Variants in CBLC observed in about 807,000 individuals in gnomAD.
CBLC encodes the protein Cbl proto-oncogene C, also known as E3 ubiquitin-protein ligase CBL-C.
A neutral mutation model predicts 58.6 loss-of-function variants in CBLC; 46 were observed. The ratio of observed to expected loss-of-function variants is 0.79; its 90% CI spans 0.62 to 1.00. CBLC has a LOEUF of 1.00. CBLC is among the 50% of genes least tolerant of loss of function. The pLI is 0.00. For synonymous variants in CBLC, 271 were observed against 264.2 expected (o/e 1.03, Z -0.25); for missense variants, 655 against 625.8 (o/e 1.05, Z -0.50).
At chr19:44,791,374 C>T (rs1968043961) in intron 6 of CBLC, among the ~76,000 whole-genome samples, 2 of 151,482 alleles carry the variant, frequency 1.3e-5, no homozygotes, top group Admixed American at 1.3e-4. Context: ...GCATCCAATA[C>T]TTTTATTTGC....
chr19:44,788,589 C>T (rs941457976), intron 5 of CBLC, among the ~76,000 whole-genome samples: 10 of 150,852 alleles, frequency 6.6e-5, no homozygotes, highest in Admixed American at 5.3e-4. Flanking sequence ...ATGAAATTCT[C>T]CTGCCTCAGC....
intron 5 of CBLC, among the ~76,000 whole-genome samples, chr19:44,785,247 A>G (rs993013205): frequency 5.3e-5 from 8 of 151,522 alleles, no homozygotes; most frequent in Non-Finnish European, 1.2e-4. Context: ...AATGCTGATT[A>G]CAGGCATGAG....
Position 44,778,302 on chromosome 19 carries a change from A to T in CBLC, c.353+18A>T. On this transcript the variant is annotated intron_variant, in intron 1 of 10. Coordinates refer to ENST00000647358, the MANE Select transcript of CBLC (RefSeq NM_012116.4). Reference sequence around the variant, plus strand: ...AGACTCAGGTGAGCCTTCGCCCCAGAACAAAGTCCTCTGGGGTGAGGCCCA... The same window carrying T: ...AGACTCAGGTGAGCCTTCGCCCCAGTACAAAGTCCTCTGGGGTGAGGCCCA... 1 of 1,420,414 alleles carries T rather than the reference A, an allele frequency of 7.0e-7. No individual in the cohort carries two copies. Among genetic ancestry groups the T allele is most frequent in the South Asian group, 1.5e-5 (1 of 65,594 alleles). 88.0% of individuals were successfully genotyped at this position (1,420,414 alleles called of 1,614,324 possible).
chr19:44,785,536 A>ATAGG (rs1471766822), intron 5 of CBLC, among the ~76,000 whole-genome samples: 2 of 14,640 alleles, frequency 1.4e-4, no homozygotes, highest in Admixed American at 5.5e-4. Context: ...AGATAGGTAG[A>ATAGG]TAGATAGATA....
intron 7 of CBLC, among the ~76,000 whole-genome samples, chr19:44,793,058 A>T (rs1420076854): frequency 6.6e-6 from 1 of 152,162 alleles, no homozygotes; most frequent in African/African-American, 2.4e-5. Flanking sequence ...AGGCTGAGGC[A>T]TGAGAATCAC....
At chr19:44,790,366 G>A (rs1968015643) in intron 6 of CBLC, among the ~76,000 whole-genome samples, 1 of 152,158 alleles carries the variant, frequency 6.6e-6, no homozygotes, top group African/African-American at 2.4e-5. Flanking sequence ...ATAGCCCCGT[G>A]CCAGCTCCTA....
At chr19:44,784,243 C>G (rs1599861418) in intron 4 of CBLC, 21 bp from the exon 5 acceptor site, 1 of 1,557,918 alleles carries the variant, frequency 6.4e-7, no homozygotes, top group African/African-American at 1.3e-5. Context: ...CTCACCCCAT[C>G]CTACCTACCT....
At chr19:44,786,570 G>A (rs1262672417) in intron 5 of CBLC, among the ~76,000 whole-genome samples, 1 of 148,674 alleles carries the variant, frequency 6.7e-6, no homozygotes, top group Non-Finnish European at 1.5e-5. Context: ...ACTCCAGCCT[G>A]AGCGACAGAG....
chr19:44,789,925 AG>A (rs1258844515), intron 5 of CBLC, 78 bp from the exon 6 acceptor site: 4 of 922,026 alleles, frequency 4.3e-6, no homozygotes, highest in Non-Finnish European at 7.2e-6. Context: ...GGGGCCCTGT[AG>A]GGGGTAAAGG....
chr19:44,796,177 T>C (rs572642056), intron 9 of CBLC, among the ~76,000 whole-genome samples: 1 of 152,040 alleles, frequency 6.6e-6, no homozygotes, highest in East Asian at 2.0e-4. Flanking sequence ...ATCGCGCCAC[T>C]GCACTCCAGC....
At chr19:44,783,137 G>A (rs1288624514) in intron 4 of CBLC, among the ~76,000 whole-genome samples, 2 of 152,204 alleles carry the variant, frequency 1.3e-5, no homozygotes, top group Non-Finnish European at 1.5e-5. Context: ...TTGGGAGGCC[G>A]AGGCGGGCAA....
chr19:44,790,139 C>T (rs186965777), intron 6 of CBLC, 48 bp downstream of exon 6: 314 of 1,431,474 alleles, frequency 2.2e-4, no homozygotes, highest in Admixed American at 2.8e-4. Context: ...GACCCTGCCA[C>T]CCCCACGTTG....
intron 4 of CBLC, 80 bp downstream of exon 4, chr19:44,782,571 G>A: frequency 8.3e-7 from 1 of 1,206,690 alleles, no homozygotes; most frequent in South Asian, 1.3e-5. Flanking sequence ...GTGGAGCCCA[G>A]ATGTCCTTCC....
chr19:44,783,466 G>A (rs1171520026), intron 4 of CBLC, among the ~76,000 whole-genome samples: 1 of 151,414 alleles, frequency 6.6e-6, no homozygotes, highest in African/African-American at 2.4e-5. Flanking sequence ...CCAAGATCAC[G>A]CCATTGCACT....
Position 44,778,205 on chromosome 19 carries a change from A to G in CBLC, c.274A>G (p.Arg92Gly). 6.7e-7 allele frequency: 1 copy of G among 1,498,318 alleles called. No individual in the cohort carries two copies. The highest frequency in any genetic ancestry group is 8.9e-7 in the Non-Finnish European group (1 of 1,125,070). The allele number at this position is 1,498,318 out of a possible 1,614,324, so 92.8% of individuals were successfully genotyped here. A position where few individuals can be genotyped will look rare whatever the true frequency, so the allele number is the denominator to read the frequency against. Residue 92 changes from arginine to glycine, a missense_variant, in exon 1 of 11, where the codon AGG becomes GGG. By Grantham distance (125) the Arg-to-Gly change is moderately radical. Around this residue, in one of 3 missense-constraint regions of CBLC, gnomAD observed 280 missense variants for 237.2 expected, o/e 1.18. Transcript: ENST00000647358. ...IYLANLEAKSRQVAALLPPRG... is the reference protein window; with the variant it reads ...IYLANLEAKSGQVAALLPPRG... ...CCTGGCCAATCTGGAGGCCAAGAGC[A>G]GGCAGGTGGCCGCGCTGCTGCCTCC...
intron 5 of CBLC, among the ~76,000 whole-genome samples, chr19:44,789,690 C>T (rs928418502): frequency 3.3e-5 from 5 of 152,322 alleles, no homozygotes; most frequent in African/African-American, 1.2e-4. Context: ...CACACCTGCC[C>T]TAAGCCAGAA....
In CBLC at chr19:44,782,378, A is replaced by G. The variant is rs1251524595; in HGVS notation, c.666A>G (p.Pro222=). 3.7e-6 allele frequency: 6 copies of G among 1,613,624 alleles called. No individual in the cohort carries two copies. In the South Asian group the frequency reaches 6.6e-5, roughly 18 times the overall value. The change falls in exon 4 of 11, where the codon CCA becomes CCG. Residue 222 remains proline (P), a synonymous_variant. Transcript: ENST00000647358. ...DVFTRLFQPW[P]TLLKNWQLLA... ...GCCCTGCCCCACCCCAGCCATGGCC[A>G]ACACTCCTCAAGAACTGGCAGCTCC...
At chr19:44,782,899 G>A (rs942471360) in intron 4 of CBLC, among the ~76,000 whole-genome samples, 1 of 152,094 alleles carries the variant, frequency 6.6e-6, no homozygotes, top group Non-Finnish European at 1.5e-5. Flanking sequence ...TGAGCTGTTG[G>A]GTCCCCCTAG....
At chr19:44,794,353 C>A in intron 9 of CBLC, 72 bp downstream of exon 9, 2 of 1,435,648 alleles carry the variant, frequency 1.4e-6, no homozygotes, top group Non-Finnish European at 1.9e-6. Flanking sequence ...TTCACCTGTG[C>A]ACTCAGGGGT....
Sources: allele counts gnomAD v4.1 joint callset (sites outside exome capture counted in the v4.1 genomes callset), GRCh38; gene constraint gnomAD v4.1.1; regional missense constraint gnomAD v4.1.1; transcripts MANE v1.5; gene names NCBI Gene and HGNC (gene_info 2026-07-23, HGNC 2026-07-21).